Variants in YAP1 observed in about 807,000 individuals in gnomAD.
YAP1 encodes Yes1 associated transcriptional regulator, also known as transcriptional coactivator YAP1.
In YAP1, 5 loss-of-function variants were observed where a neutral mutation model predicts 56.9. That is an observed-to-expected ratio of 0.09 (90% CI 0.05 to 0.18). The LOEUF is 0.18. Ranked by LOEUF, YAP1 falls within the 10% of genes least tolerant of loss-of-function variation. The pLI, the probability that YAP1 is intolerant of heterozygous loss-of-function variation, is 1.00. For missense variants in YAP1, 539 were observed against 651.8 expected (o/e 0.83, Z 1.88); for synonymous variants, 265 against 248.1 (o/e 1.07, Z -0.64).
rs1950401686 is a variant in YAP1, at chr11:102,230,586, T to C, written c.*646T>C. 2 of 152,644 alleles carry C rather than the reference T, an allele frequency of 1.3e-5. No homozygotes were observed. Among genetic ancestry groups the C allele is most frequent in the South Asian group, 4.1e-4 (2 of 4,828 alleles). 9.5% of individuals were successfully genotyped at this position (152,644 alleles called of 1,614,324 possible). ...GACAATTTCCATATAAATATATTAA[T>C]TATTGCCACATACTCTAATATAGAT... On this transcript the variant is annotated 3_prime_UTR_variant, in exon 9 of 9. Transcript: ENST00000282441.
Position 102,110,543 on chromosome 11 carries a change from AG to A in YAP1, c.-305del, listed in dbSNP as rs1942818203. 5.2e-6 allele frequency: 1 copy of A among 191,236 alleles called. No individual in the cohort carries two copies. The highest frequency in any genetic ancestry group is 2.3e-5 in the African/African-American group (1 of 42,796). 11.8% of individuals were successfully genotyped at this position (191,236 alleles called of 1,614,324 possible). On this transcript the variant is annotated 5_prime_UTR_variant, in exon 1 of 9. Transcript: ENST00000282441. Reference sequence around the variant, plus strand: ...AAAGGGGAGGCGGGGAAAGGCAACGAGCTGTCCGGCCTCCGTCAAGGGAGTT... The same window carrying A: ...AAAGGGGAGGCGGGGAAAGGCAACGACTGTCCGGCCTCCGTCAAGGGAGTT...
chr11:102,177,429 G>T (rs1341702479), intron 3 of YAP1, among the ~76,000 whole-genome samples: 1 of 152,072 alleles, frequency 6.6e-6, no homozygotes, highest in Non-Finnish European at 1.5e-5. Context: ...CTAAAACTTT[G>T]TCATGGAAAT....
At chr11:102,114,057 G>T in intron 1 of YAP1, 87 bp from the exon 2 acceptor site, 1 of 1,397,162 alleles carries the variant, frequency 7.2e-7, no homozygotes, top group South Asian at 1.7e-5. Context: ...TAGATATTCG[G>T]CTGCAATTAA....
intron 2 of YAP1, among the ~76,000 whole-genome samples, chr11:102,115,004 A>G (rs1943190976): frequency 6.6e-6 from 1 of 152,212 alleles, no homozygotes; most frequent in Non-Finnish European, 1.5e-5. Context: ...CTTTCAAGCT[A>G]GTAGGTCTTC....
intron 2 of YAP1, among the ~76,000 whole-genome samples, chr11:102,158,713 C>G (rs1427937335): frequency 2.6e-5 from 4 of 152,222 alleles, no homozygotes; most frequent in Non-Finnish European, 5.9e-5. Flanking sequence ...TACATGAGCA[C>G]TAACCTCCTA....
intron 2 of YAP1, among the ~76,000 whole-genome samples, chr11:102,132,188 G>A (rs1463110224): frequency 2.6e-5 from 4 of 152,166 alleles, no homozygotes; most frequent in Non-Finnish European, 5.9e-5. Flanking sequence ...AAGTCATGAG[G>A]TAGTAGCATG....
intron 4 of YAP1, among the ~76,000 whole-genome samples, chr11:102,193,847 T>TC (rs1948432286): frequency 6.6e-6 from 1 of 151,640 alleles, no homozygotes; most frequent in Admixed American, 6.6e-5. Context: ...ATTTTTGTTT[T>TC]TTTTTTTTTG....
intron 4 of YAP1, among the ~76,000 whole-genome samples, chr11:102,199,962 T>C (rs1012505735): frequency 6.6e-6 from 1 of 152,210 alleles, no homozygotes; most frequent in African/African-American, 2.4e-5. Flanking sequence ...TCAATGCAAC[T>C]AAATTTAAAC....
intron 2 of YAP1, among the ~76,000 whole-genome samples, chr11:102,145,471 A>C (rs180836079): frequency 6.6e-6 from 1 of 152,318 alleles, no homozygotes; most frequent in Non-Finnish European, 1.5e-5. Flanking sequence ...GTGGAAAGAC[A>C]CTGTGGAAAG....
At chr11:102,180,925 T>G (rs1438650242) in intron 3 of YAP1, among the ~76,000 whole-genome samples, 1 of 151,774 alleles carries the variant, frequency 6.6e-6, no homozygotes, top group Admixed American at 6.6e-5. Flanking sequence ...GGTGGGAGGA[T>G]CTCTTGAGCT....
intron 5 of YAP1, among the ~76,000 whole-genome samples, chr11:102,208,242 C>T (rs937246387): frequency 1.3e-5 from 2 of 152,164 alleles, no homozygotes; most frequent in Non-Finnish European, 2.9e-5. Flanking sequence ...TTCAAAATGG[C>T]GTCATTTCCC....
chr11:102,197,054 TTTG>T (rs1483940321), intron 4 of YAP1, among the ~76,000 whole-genome samples: 1 of 152,182 alleles, frequency 6.6e-6, no homozygotes, highest in Non-Finnish European at 1.5e-5. Context: ...TGTTTTGTGT[TTTG>T]TTTTTACTGC....
chr11:102,230,630 G>T lies in YAP1; in HGVS notation c.*690G>T, dbSNP rs1380491791. 2.6e-5 allele frequency: 4 copies of T among 152,432 alleles called. No homozygotes were observed. Among genetic ancestry groups the T allele is most frequent in the African/African-American group, 9.7e-5 (4 of 41,374 alleles). The allele number at this position is 152,432 out of a possible 1,614,324, so 9.4% of individuals were successfully genotyped here. On this transcript the variant is annotated 3_prime_UTR_variant, in exon 9 of 9. Transcript: ENST00000282441. ...TATAGATTTTGGTGGATAATTTTGTGGGTGTGCATTTTGTTCTGTTTTGTT... is the reference window on the plus strand; with the variant it reads ...TATAGATTTTGGTGGATAATTTTGTTGGTGTGCATTTTGTTCTGTTTTGTT...
At chr11:102,149,721 A>G (rs1431586582) in intron 2 of YAP1, among the ~76,000 whole-genome samples, 1 of 152,066 alleles carries the variant, frequency 6.6e-6, no homozygotes, top group Non-Finnish European at 1.5e-5. Flanking sequence ...AACGATGAAT[A>G]CCTTTGTTTT....
At chr11:102,172,456 C>T (rs2135443346) in intron 3 of YAP1, among the ~76,000 whole-genome samples, 1 of 134,656 alleles carries the variant, frequency 7.4e-6, no homozygotes, top group Non-Finnish European at 1.6e-5. Context: ...GGACTACAGG[C>T]ATACGGCACC....
intron 4 of YAP1, among the ~76,000 whole-genome samples, chr11:102,201,182 A>G (rs1166228200): frequency 4.6e-5 from 7 of 152,234 alleles, no homozygotes; most frequent in Non-Finnish European, 1.0e-4. Flanking sequence ...GGTTGAATAG[A>G]ATATTAACCA....
chr11:102,175,864 A>C (rs1455653877), intron 3 of YAP1, among the ~76,000 whole-genome samples: 2 of 152,234 alleles, frequency 1.3e-5, no homozygotes, highest in African/African-American at 4.8e-5. Context: ...TTCTGGGATC[A>C]CCATTCTATA....
chr11:102,226,182 G>A (rs936556809), intron 7 of YAP1, among the ~76,000 whole-genome samples: 46 of 152,216 alleles, frequency 3.0e-4, no homozygotes, highest in African/African-American at 1.1e-3. Flanking sequence ...ACCACATCCT[G>A]AGGCCTTCTC....
In YAP1 at chr11:102,162,569, C is replaced by T. The variant is rs763489493; in HGVS notation, c.686C>T (p.Ser229Leu). 3.7e-6 allele frequency: 6 copies of T among 1,613,976 alleles called. No homozygotes were observed. Among genetic ancestry groups the T allele is most frequent in the Non-Finnish European group, 5.1e-6 (6 of 1,179,818 alleles). The change falls in exon 3 of 9, where the codon TCA becomes TTA. Residue 229 changes from serine (S) to leucine (L), a missense_variant and splice_region_variant. By Grantham distance (145) the Ser-to-Leu change is moderately radical. This residue lies in a region of YAP1 where 414 missense variants were observed against 512.4 expected (regional missense o/e 0.81). Coordinates refer to ENST00000282441, the MANE Select transcript of YAP1 (RefSeq NM_001130145.3). ...CAGCAGAATATGATGAACTCGGCTT[C>T]AGGTGAGTGAGACACTGTAATTACA... ...PVQQNMMNSA[S>L]GPLPDGWEQA...
Sources: allele counts gnomAD v4.1 joint callset (sites outside exome capture counted in the v4.1 genomes callset), GRCh38; gene constraint gnomAD v4.1.1; regional missense constraint gnomAD v4.1.1; transcripts MANE v1.5; gene names NCBI Gene and HGNC (gene_info 2026-07-23, HGNC 2026-07-21).